The following EZH1 variants were observed in gnomAD, a reference collection of about 807,000 sequenced individuals.
The protein encoded by EZH1 is enhancer of zeste 1 polycomb repressive complex 2 subunit, also known as histone-lysine N-methyltransferase EZH1.
A neutral mutation model predicts 100.5 loss-of-function variants in EZH1; 33 were observed. That is an observed-to-expected ratio of 0.33 (90% CI 0.25 to 0.44). The LOEUF (loss-of-function observed/expected upper bound fraction) is 0.44. Among genes scored for constraint, EZH1 ranks in the 20% least tolerant of loss-of-function variants. The pLI is 1.00. For missense variants in EZH1, 475 were observed against 928.4 expected, an observed-to-expected ratio of 0.51 and a Z score of 6.35; for synonymous variants, 272 against 313.8, an observed-to-expected ratio of 0.87 and a Z score of 1.41.
At position 42,739,346 on chromosome 17, in the gene EZH1, C is replaced by A. The variant is rs182640957; in HGVS notation, c.-103+5665G>T. Among the ~76,000 whole-genome samples, 778 of 152,286 alleles carry A rather than the reference C, an allele frequency of 5.1e-3. 7 individuals are homozygous for A. Among genetic ancestry groups the A allele is most frequent in the African/African-American group, 0.017 (715 of 41,564 alleles). On this transcript the variant is annotated intron_variant, in intron 1 of 20. Transcript: ENST00000428826. Reference sequence around the variant, plus strand: ...AGTTTGAGCTTCTGGGCACTACACACAGAAAGAACCTTCCTAACAGGAACC... The same window carrying A: ...AGTTTGAGCTTCTGGGCACTACACAAAGAAAGAACCTTCCTAACAGGAACC...
chr17:42,709,768 A>G (rs1042874596), intron 13 of EZH1, 78 bp downstream of exon 13: 59 of 1,383,388 alleles, frequency 4.3e-5, no homozygotes, highest in Non-Finnish European at 5.4e-5. Context: ...AGGGAGGCAG[A>G]TGGGAACTCC....
At chr17:42,738,167 C>T (rs1319483973) in intron 1 of EZH1, among the ~76,000 whole-genome samples, 2 of 139,602 alleles carry the variant, frequency 1.4e-5, no homozygotes, top group African/African-American at 2.7e-5. Context: ...CAGAGCAAGA[C>T]TCTGTCTCAA....
intron 5 of EZH1, 26 bp from the exon 6 acceptor site, chr17:42,722,941 T>G: frequency 6.2e-7 from 1 of 1,607,484 alleles, no homozygotes; most frequent in Non-Finnish European, 8.5e-7. Context: ...ATGTGATTTA[T>G]TCCATGAAGC....
At chr17:42,712,681 T>A (rs1030521337) in intron 11 of EZH1, among the ~76,000 whole-genome samples, 196 bp from the exon 12 acceptor site, 8 of 152,130 alleles carry the variant, frequency 5.3e-5, no homozygotes, top group Non-Finnish European at 1.0e-4. Context: ...GGTGGGTGGA[T>A]TGCTTGAGCT....
In EZH1 at chr17:42,706,150, G is replaced by C; in HGVS notation, c.1696C>G (p.Gln566Glu). ...CAAGGACATTGCTTGGTATTGCACT[G>C]GGTCTTACAGCGACAGCCAGGGAAA... The part of the protein sequence containing the change: ...NRFPGCRCKT[Q>E]CNTKQCPCYL... The change falls in exon 16 of 21, where the codon CAG becomes GAG. Residue 566 changes from glutamine (Q) to glutamate (E), a missense_variant. Gln to Glu is a conservative substitution (Grantham distance 29). Transcript: ENST00000428826. This position sits in a 1 kb window ranked among gnomAD's most constrained non-coding sequence, Gnocchi z 4.4. 6.2e-7 allele frequency: 1 copy of C among 1,612,304 alleles called. No homozygotes were observed. Among genetic ancestry groups the C allele is most frequent in the Non-Finnish European group, 8.5e-7 (1 of 1,178,990 alleles).
In EZH1 at chr17:42,733,030, T is replaced by A. The variant is rs192001562; in HGVS notation, c.-102-2112A>T. On this transcript the variant is annotated intron_variant, in intron 1 of 20. Transcript: ENST00000428826. The stretch of plus-strand genomic sequence containing the variant: ...GGGCAACAAAGTGAGACACCATCTC[T>A]ACAAAAAAAAAAAAAAAAAAGAAAA... 0.015 allele frequency among the ~76,000 whole-genome samples: 841 copies of A among 57,568 alleles called. 3 individuals are homozygous for A. The Middle Eastern group carries it at 0.17, about 11-fold the overall frequency. The allele number at this position is 57,568 out of a possible 152,430, so 37.8% of individuals were successfully genotyped here.
intron 13 of EZH1, 62 bp downstream of exon 13, chr17:42,709,784 G>A (rs966790777): frequency 7.5e-5 from 113 of 1,504,306 alleles, no homozygotes; most frequent in Non-Finnish European, 8.3e-6. Context: ...ACTCCAAGGG[G>A]AGGTCAGAGC....
Position 42,712,300 on chromosome 17 carries a change from T to C in EZH1, c.1390A>G (p.Thr464Ala). The change falls in exon 12 of 21, where the codon ACG becomes GCG. Residue 464 changes from threonine to alanine, a missense_variant. By Grantham distance (58) the Thr-to-Ala change is moderately conservative. Coordinates refer to ENST00000428826, the MANE Select transcript of EZH1 (RefSeq NM_001991.5). ...CSIARLLGTKTCKQVFQFAVK... is the reference protein window; with the variant it reads ...CSIARLLGTKACKQVFQFAVK... ...CTTCCAGATGGTACCTGCTTGCACG[T>C]CTTGGTCCCCAGAAGCCTGGCTATT... 6.2e-7 allele frequency: 1 copy of C among 1,613,696 alleles called. No individual in the cohort carries two copies. The highest frequency in any genetic ancestry group is 2.2e-5 in the East Asian group (1 of 44,878).
chr17:42,703,799 C>T lies in EZH1; in HGVS notation c.2039G>A (p.Arg680Gln). 2.5e-6 allele frequency: 4 copies of T among 1,613,806 alleles called. No individual in the cohort carries two copies. The highest frequency in any genetic ancestry group is 2.5e-6 in the Non-Finnish European group (3 of 1,179,796). Residue 680 changes from arginine to glutamine, a missense_variant, in exon 19 of 21, where the codon CGG becomes CAG. Arg to Gln is a conservative substitution (Grantham distance 43). This residue lies in a region of EZH1 where 49 missense variants were observed against 164.2 expected (regional missense o/e 0.30). Coordinates refer to ENST00000428826, the MANE Select transcript of EZH1 (RefSeq NM_001991.5). ...TGCAAATCGAATTTTGTTTCCTTTC[C>T]GAGTAGCATCCACTACAAAATCTGT... is the stretch of plus-strand genomic sequence containing the variant. ...LNNDFVVDAT[R>Q]KGNKIRFANH...
intron 1 of EZH1, among the ~76,000 whole-genome samples, chr17:42,737,925 A>G (rs540250437): frequency 8.5e-4 from 130 of 152,200 alleles, no homozygotes; most frequent in South Asian, 3.1e-3. Flanking sequence ...GCCTGCAATC[A>G]CAGCACTTTG....
chr17:42,737,904 C>T lies in EZH1; in HGVS notation c.-102-6986G>A, dbSNP rs558395220. Reference sequence around the variant, plus strand: ...AAAAAATTTAAGGAACGGCTGGGTGCGGTGGCTCACGCCTGCAATCACAGC... The same window carrying T: ...AAAAAATTTAAGGAACGGCTGGGTGTGGTGGCTCACGCCTGCAATCACAGC... On this transcript the variant is annotated intron_variant, in intron 1 of 20. Coordinates refer to ENST00000428826, the MANE Select transcript of EZH1 (RefSeq NM_001991.5). 4.6e-5 allele frequency among the ~76,000 whole-genome samples: 7 copies of T among 152,054 alleles called. No individual in the cohort carries two copies. In the East Asian group the frequency reaches 1.4e-3, roughly 29 times the overall value.
At chr17:42,736,906 G>A (rs149979560) in intron 1 of EZH1, among the ~76,000 whole-genome samples, 278 of 151,848 alleles carry the variant, frequency 1.8e-3, no homozygotes, top group Middle Eastern at 3.4e-3. Context: ...AAAAAAATAA[G>A]ACGCAAATAA....
intron 4 of EZH1, among the ~76,000 whole-genome samples, chr17:42,725,021 G>A (rs1422400846): frequency 4.6e-5 from 7 of 151,838 alleles, no homozygotes; most frequent in Non-Finnish European, 7.4e-5. Context: ...ACAAAAATTA[G>A]CTGGGCGTGG....
At chr17:42,707,152 T>G (rs2053372119) in intron 15 of EZH1, among the ~76,000 whole-genome samples, 1 of 149,950 alleles carries the variant, frequency 6.7e-6, no homozygotes, top group South Asian at 2.1e-4. Context: ...GAAATGAAAA[T>G]AGACATACAC....
chr17:42,707,685 G>GC (rs1177757215), intron 15 of EZH1, among the ~76,000 whole-genome samples: 2 of 152,178 alleles, frequency 1.3e-5, no homozygotes, highest in African/African-American at 4.8e-5. Flanking sequence ...TGCGCCTGCT[G>GC]CCCCCCACAT....
chr17:42,715,323 G>A (rs1218493093), intron 10 of EZH1, among the ~76,000 whole-genome samples: 2 of 149,184 alleles, frequency 1.3e-5, no homozygotes, highest in Non-Finnish European at 3.0e-5. Context: ...ACCCAGGTGA[G>A]TACAGTAGCA....
At chr17:42,736,718 C>T (rs1298784109) in intron 1 of EZH1, among the ~76,000 whole-genome samples, 1 of 151,954 alleles carries the variant, frequency 6.6e-6, no homozygotes. Context: ...CTTGTAGTCT[C>T]AGCTGCTTGG....
At chr17:42,707,750 T>C (rs2053388525) in intron 15 of EZH1, among the ~76,000 whole-genome samples, 1 of 152,172 alleles carries the variant, frequency 6.6e-6, no homozygotes, top group Admixed American at 6.5e-5. Flanking sequence ...TTCTGTGTAA[T>C]TGCTGCTTTT....
chr17:42,712,605 A>G (rs1228439196), intron 11 of EZH1, 120 bp from the exon 12 acceptor site: 14 of 1,027,866 alleles, frequency 1.4e-5, no homozygotes, highest in African/African-American at 3.2e-5. Context: ...AGGAATGAAA[A>G]TATTCCCTAT....
Sources: allele counts gnomAD v4.1 joint callset (sites outside exome capture counted in the v4.1 genomes callset), GRCh38; gene constraint gnomAD v4.1.1; regional missense constraint gnomAD v4.1.1; non-coding constraint Gnocchi (gnomAD v3.1); transcripts MANE v1.5; gene names NCBI Gene and HGNC (gene_info 2026-07-23, HGNC 2026-07-21).